The following DNAH14 variants were observed in gnomAD, a reference collection of about 807,000 sequenced individuals.
DNAH14 encodes the protein axonemal beta dynein heavy chain 14.
A neutral mutation model predicts 520.9 loss-of-function variants in DNAH14; 478 were observed. The observed-to-expected ratio is 0.92, with a 90% CI of 0.85 to 0.99. The LOEUF (loss-of-function observed/expected upper bound fraction) is 0.99. Among genes scored for constraint, DNAH14 ranks in the 50% least tolerant of loss-of-function variants. DNAH14 has a pLI of 0.00. For synonymous variants in DNAH14, 1,581 were observed against 1,757.2 expected (o/e 0.90, Z 2.51); for missense variants, 4,831 against 5,234.5 (o/e 0.92, Z 2.38).
chr1:225,305,822 T>C (rs2094229138), intron 58 of DNAH14, among the ~76,000 whole-genome samples: 1 of 152,194 alleles, frequency 6.6e-6, no homozygotes, highest in Non-Finnish European at 1.5e-5. Flanking sequence ...AATTGTTTTT[T>C]AAAAATAGCC....
At chr1:224,946,177 C>G (rs78799435) in intron 1 of DNAH14, among the ~76,000 whole-genome samples, 1 of 152,212 alleles carries the variant, frequency 6.6e-6, no homozygotes, top group African/African-American at 2.4e-5. Flanking sequence ...TTTACCTACT[C>G]AAGCTTTGGC....
intron 17 of DNAH14, among the ~76,000 whole-genome samples, chr1:225,052,362 T>C (rs1365027877): frequency 6.6e-6 from 1 of 152,198 alleles, no homozygotes; most frequent in Admixed American, 6.5e-5. Flanking sequence ...TAGTTATTTC[T>C]ACCTATCATC....
intron 39 of DNAH14, among the ~76,000 whole-genome samples, chr1:225,205,750 A>T (rs570356158): frequency 6.6e-6 from 1 of 152,306 alleles, no homozygotes; most frequent in African/African-American, 2.4e-5. Context: ...ACAATCTAAG[A>T]ATGTCTAAAC....
At chr1:225,199,019 T>C (rs2086490900) in intron 38 of DNAH14, among the ~76,000 whole-genome samples, 1 of 152,266 alleles carries the variant, frequency 6.6e-6, no homozygotes, top group East Asian at 1.9e-4. Context: ...TTATTCTCCA[T>C]GTTTGTTATT....
chr1:225,117,441 G>A (rs2076948004), intron 23 of DNAH14, among the ~76,000 whole-genome samples: 1 of 151,202 alleles, frequency 6.6e-6, no homozygotes, highest in South Asian at 2.1e-4. Flanking sequence ...TGTGTCTAAG[G>A]GTGGGGTTTT....
chr1:225,255,514 GGTA>G (rs1399359918), intron 44 of DNAH14, among the ~76,000 whole-genome samples: 1 of 152,096 alleles, frequency 6.6e-6, no homozygotes, highest in Non-Finnish European at 1.5e-5. Context: ...TACATATCCA[GGTA>G]CCCATAATCT....
Position 225,367,918 on chromosome 1 carries a change from G to A in DNAH14, c.12204G>A (p.Trp4068Ter). Residue 4068 changes from tryptophan (W) to a stop codon, truncating the protein, a stop_gained, in exon 77 of 86, where the codon TGG becomes TGA. Coordinates refer to ENST00000682510, the MANE Select transcript of DNAH14 (RefSeq NM_001367479.1). LOFTEE classifies it high-confidence loss of function. ...EIFENPDCGQWWKKLLFSLCF... is the reference protein window; with the variant it reads ...EIFENPDCGQ Reference sequence around the variant, plus strand: ...TTGAAAATCCTGACTGTGGACAATGGTGGAAAAAACTTTTATTTAGCCTAT... The same window carrying A: ...TTGAAAATCCTGACTGTGGACAATGATGGAAAAAACTTTTATTTAGCCTAT... The A allele has an allele frequency of 6.4e-7, 1 of 1,551,618 alleles. No individual in the cohort carries two copies. The highest frequency in any genetic ancestry group is 8.7e-7 in the Non-Finnish European group (1 of 1,146,928).
chr1:225,164,935 GA>G (rs1159966802), intron 35 of DNAH14, among the ~76,000 whole-genome samples: 1 of 151,914 alleles, frequency 6.6e-6, no homozygotes, highest in Non-Finnish European at 1.5e-5. Context: ...AAACTCATAA[GA>G]AATTGTTTCA....
chr1:225,025,222 C>T (rs1489560693), intron 11 of DNAH14, among the ~76,000 whole-genome samples: 2 of 151,948 alleles, frequency 1.3e-5, no homozygotes, highest in African/African-American at 4.8e-5. Flanking sequence ...CACACACCTA[C>T]TTGGGAGGCT....
intron 12 of DNAH14, 32 bp from the exon 13 acceptor site, chr1:225,042,803 C>G: frequency 6.6e-7 from 1 of 1,524,918 alleles, no homozygotes; most frequent in Non-Finnish European, 8.8e-7. Flanking sequence ...TATATGTTGT[C>G]ACTGGCACCC....
At chr1:225,112,658 C>T (rs1230925688) in intron 23 of DNAH14, among the ~76,000 whole-genome samples, 1 of 151,834 alleles carries the variant, frequency 6.6e-6, no homozygotes, top group Non-Finnish European at 1.5e-5. Context: ...TGTAGTCATG[C>T]TTTATTCTTT....
chr1:225,146,651 C>T (rs1371372068), intron 30 of DNAH14, among the ~76,000 whole-genome samples: 9 of 152,188 alleles, frequency 5.9e-5, no homozygotes, highest in Admixed American at 5.9e-4. Flanking sequence ...TTGCATTGCC[C>T]ATCAGCTGCC....
chr1:225,345,030 G>A (rs564242984), intron 69 of DNAH14, among the ~76,000 whole-genome samples: 5 of 152,180 alleles, frequency 3.3e-5, no homozygotes, highest in South Asian at 2.1e-4. Context: ...AGCCATTCTT[G>A]TTGCCTCTTG....
At chr1:225,349,548 T>C (rs775282717) in intron 71 of DNAH14, among the ~76,000 whole-genome samples, 1 of 152,202 alleles carries the variant, frequency 6.6e-6, no homozygotes, top group African/African-American at 2.4e-5. Flanking sequence ...AACTATATGC[T>C]GTCTACAGGA....
chr1:225,161,950 G>A (rs1001972710), intron 35 of DNAH14, among the ~76,000 whole-genome samples: 9 of 152,134 alleles, frequency 5.9e-5, no homozygotes, highest in African/African-American at 2.2e-4. Flanking sequence ...CTCCCATTCT[G>A]TGGGTTGTCT....
chr1:224,975,313 C>G (rs2061745003), intron 8 of DNAH14, among the ~76,000 whole-genome samples: 1 of 152,086 alleles, frequency 6.6e-6, no homozygotes, highest in African/African-American at 2.4e-5. Context: ...ACCAGTTCCT[C>G]CTTGTACCTC....
chr1:225,050,161 G>A, intron 15 of DNAH14, 49 bp from the exon 16 acceptor site: 2 of 1,462,256 alleles, frequency 1.4e-6, no homozygotes, highest in Non-Finnish European at 1.8e-6. Flanking sequence ...TTGAAGTGTT[G>A]CTTTCAATGG....
chr1:225,346,697 A>T (rs770180559), intron 71 of DNAH14, 43 bp downstream of exon 71: 17 of 1,451,994 alleles, frequency 1.2e-5, no homozygotes, highest in Non-Finnish European at 9.2e-7. Context: ...AAGTCCATTA[A>T]AAGTGTGTTT....
chr1:225,148,395 G>GTTTTTT (rs1231464775), intron 31 of DNAH14, among the ~76,000 whole-genome samples: 5 of 131,582 alleles, frequency 3.8e-5, no homozygotes, highest in African/African-American at 1.6e-4. Flanking sequence ...GTAATGTTGA[G>GTTTTTT]CTTTTTTTTT....
Sources: gnomAD v4.1 joint callset for allele counts (sites outside exome capture counted in the v4.1 genomes callset) on GRCh38, gnomAD v4.1.1 for gene constraint, MANE v1.5 for transcripts, NCBI Gene and HGNC (gene_info 2026-07-23, HGNC 2026-07-21) for gene names.